Variants in CNTLN observed in about 807,000 individuals in gnomAD.
CNTLN encodes the protein centlein, also known as centlein, centrosomal protein.
In CNTLN, 212 loss-of-function variants were observed where a neutral mutation model predicts 180.0. That is an observed-to-expected ratio of 1.18 (90% CI 1.05 to 1.32). The LOEUF (loss-of-function observed/expected upper bound fraction) is 1.32, where lower values mean the gene tolerates loss of function less well. CNTLN is among the 40% of genes most tolerant of loss of function. CNTLN has a pLI of 0.00. For missense variants in CNTLN, 2,095 were observed against 1,610.9 expected, an observed-to-expected ratio of 1.30 and a Z score of -5.14; for synonymous variants, 722 against 563.1, an observed-to-expected ratio of 1.28 and a Z score of -3.99.
chr9:17,493,777 G>T (rs1251739500), intron 25 of CNTLN, among the ~76,000 whole-genome samples: 1 of 152,212 alleles, frequency 6.6e-6, no homozygotes, highest in Non-Finnish European at 1.5e-5. Flanking sequence ...GCTCTGCCTT[G>T]TGGAATAATA....
chr9:17,363,812 C>T (rs945692812), intron 12 of CNTLN, among the ~76,000 whole-genome samples: 8 of 152,000 alleles, frequency 5.3e-5, no homozygotes, highest in African/African-American at 1.9e-4. Flanking sequence ...TGTCTTTCTT[C>T]ATCACTGCTT....
At chr9:17,340,587 T>C (rs566319700) in intron 10 of CNTLN, among the ~76,000 whole-genome samples, 31 of 152,328 alleles carry the variant, frequency 2.0e-4, no homozygotes, top group African/African-American at 6.5e-4. Context: ...ATCTTAATGG[T>C]AAAATTTTGA....
intron 6 of CNTLN, among the ~76,000 whole-genome samples, chr9:17,284,397 T>C (rs1408482111): frequency 1.3e-5 from 2 of 152,044 alleles, no homozygotes; most frequent in Non-Finnish European, 2.9e-5. Flanking sequence ...GTCATGGGCT[T>C]TTTTTTGGCT....
At chr9:17,170,690 A>T (rs1820366210) in intron 2 of CNTLN, among the ~76,000 whole-genome samples, 1 of 147,584 alleles carries the variant, frequency 6.8e-6, no homozygotes, top group African/African-American at 2.5e-5. Flanking sequence ...TCTTTTGTTC[A>T]TGTATTGTTT....
chr9:17,222,620 C>T (rs539294689), intron 2 of CNTLN, among the ~76,000 whole-genome samples: 29 of 152,116 alleles, frequency 1.9e-4, no homozygotes, highest in East Asian at 1.2e-3. Flanking sequence ...CCAGCCATGT[C>T]GAACTGTAAG....
intron 13 of CNTLN, among the ~76,000 whole-genome samples, chr9:17,367,366 T>G (rs1473534118): frequency 1.3e-5 from 2 of 151,652 alleles, no homozygotes; most frequent in African/African-American, 4.8e-5. Context: ...CTGGCAAGCC[T>G]CATTACCACA....
At chr9:17,279,429 CT>C (rs1343560342) in intron 6 of CNTLN, among the ~76,000 whole-genome samples, 1 of 152,066 alleles carries the variant, frequency 6.6e-6, no homozygotes, top group Non-Finnish European at 1.5e-5. Context: ...AGCCATGTGA[CT>C]TATTTTGGCC....
chr9:17,371,954 T>C (rs1472651725), intron 13 of CNTLN, among the ~76,000 whole-genome samples: 1 of 152,032 alleles, frequency 6.6e-6, no homozygotes, highest in Non-Finnish European at 1.5e-5. Flanking sequence ...ACCTATGGGA[T>C]ACAGCAAAAG....
chr9:17,238,138 T>C lies in CNTLN; in HGVS notation c.849+1550T>C, dbSNP rs185825713. Among the ~76,000 whole-genome samples, 298 of 152,300 alleles carry C rather than the reference T, an allele frequency of 2.0e-3. 2 individuals are homozygous for C. The highest frequency in any genetic ancestry group is 6.9e-3 in the African/African-American group (286 of 41,562). ...GTTATTGTCTTTTTCTTATTGCTTT[T>C]TGGGCATTCATTACTTATTTTGGAT... is the stretch of plus-strand genomic sequence containing the variant. On this transcript the variant is annotated intron_variant, in intron 5 of 25. Transcript: ENST00000380647.
chr9:17,229,893 G>A lies in CNTLN; in HGVS notation c.534+3606G>A, dbSNP rs147389993. Among the ~76,000 whole-genome samples the A allele has an allele frequency of 6.4e-4, 98 of 152,220 alleles. No homozygotes were observed. The East Asian group carries it at 0.016, about 24-fold the overall frequency. Reference sequence around the variant, plus strand: ...AGTTAGAGGCAGAACTCTGGTATCCGTGCCTTTTATTTGAATTTTTGTAGA... The same window carrying A: ...AGTTAGAGGCAGAACTCTGGTATCCATGCCTTTTATTTGAATTTTTGTAGA... On this transcript the variant is annotated intron_variant, in intron 3 of 25. Transcript: ENST00000380647.
At chr9:17,449,606 T>C (rs1830671742) in intron 18 of CNTLN, among the ~76,000 whole-genome samples, 1 of 152,228 alleles carries the variant, frequency 6.6e-6, no homozygotes. Flanking sequence ...AGACAAATGT[T>C]TATTTTTCCC....
chr9:17,235,591 C>A (rs2132149653), intron 3 of CNTLN, 67 bp from the exon 4 acceptor site: 3 of 1,310,018 alleles, frequency 2.3e-6, no homozygotes, highest in Admixed American at 2.4e-5. Flanking sequence ...AATGTAAAAC[C>A]TTTAAAATAA....
At chr9:17,341,111 G>A (rs1036794689) in intron 11 of CNTLN, among the ~76,000 whole-genome samples, 163 bp downstream of exon 11, 1 of 152,122 alleles carries the variant, frequency 6.6e-6, no homozygotes. Flanking sequence ...TTAAAACAGA[G>A]GAATGTGTTG....
At chr9:17,154,743 A>G (rs1358228606) in intron 2 of CNTLN, among the ~76,000 whole-genome samples, 1 of 152,226 alleles carries the variant, frequency 6.6e-6, no homozygotes, top group African/African-American at 2.4e-5. Context: ...AAAACGGACC[A>G]GTCAGCACTC....
intron 2 of CNTLN, among the ~76,000 whole-genome samples, chr9:17,215,989 C>G (rs183205756): frequency 2.0e-5 from 3 of 152,272 alleles, no homozygotes; most frequent in Admixed American, 6.5e-5. Flanking sequence ...TCCCTGACCC[C>G]TTACACTTCC....
intron 13 of CNTLN, among the ~76,000 whole-genome samples, chr9:17,384,608 A>G (rs1284439408): frequency 6.6e-6 from 1 of 151,912 alleles, no homozygotes; most frequent in African/African-American, 2.4e-5. Context: ...TTCAGTTTTC[A>G]TTGGCTTATG....
In CNTLN at chr9:17,431,499, CTT is replaced by C. The variant is rs149814912; in HGVS notation, c.3114+15312_3114+15313del. On this transcript the variant is annotated intron_variant, in intron 18 of 25. Coordinates refer to ENST00000380647, the MANE Select transcript of CNTLN (RefSeq NM_017738.4). The stretch of plus-strand genomic sequence containing the variant: ...TTTTTTCTCATTATTTACGTTGTCT[CTT>C]TGTTGATTGTTTCCATTGCTGTGCA... 8.8e-3 allele frequency among the ~76,000 whole-genome samples: 1,343 copies of C among 152,038 alleles called. 19 individuals carry two copies. Among genetic ancestry groups the C allele is most frequent in the African/African-American group, 0.03 (1,257 of 41,498 alleles).
chr9:17,310,359 C>G (rs1191978387), intron 8 of CNTLN, among the ~76,000 whole-genome samples: 1 of 152,048 alleles, frequency 6.6e-6, no homozygotes, highest in Non-Finnish European at 1.5e-5. Context: ...GCAATTTTGA[C>G]TCATCATTAT....
intron 2 of CNTLN, among the ~76,000 whole-genome samples, chr9:17,208,974 T>A (rs1000925333): frequency 5.3e-5 from 8 of 152,122 alleles, no homozygotes; most frequent in African/African-American, 1.9e-4. Flanking sequence ...TTATTATTTC[T>A]CTTCTAATTT....
Sources: gnomAD v4.1 joint callset for allele counts (sites outside exome capture counted in the v4.1 genomes callset) on GRCh38, gnomAD v4.1.1 for gene constraint, MANE v1.5 for transcripts, NCBI Gene and HGNC (gene_info 2026-07-23, HGNC 2026-07-21) for gene names.